HS6ST3: variants seen among roughly 807,000 people sequenced by gnomAD.
The protein encoded by HS6ST3 is heparan-sulfate 6-O-sulfotransferase 3.
HS6ST3 carries 12 observed loss-of-function variants against 36.7 expected under a neutral mutation model. The observed-to-expected ratio is 0.33, with a 90% CI of 0.21 to 0.53. The LOEUF (loss-of-function observed/expected upper bound fraction) is 0.53, where lower values mean the gene tolerates loss of function less well. Ranked by LOEUF, HS6ST3 falls within the 20% of genes least tolerant of loss-of-function variation. The pLI, the probability that HS6ST3 is intolerant of heterozygous loss-of-function variation, is 0.95. For synonymous variants in HS6ST3, 240 were observed against 257.5 expected (o/e 0.93, Z 0.65); for missense variants, 584 against 640.9 (o/e 0.91, Z 0.96).
At chr13:96,452,682 G>T (rs2055734011) in intron 1 of HS6ST3, among the ~76,000 whole-genome samples, 1 of 151,914 alleles carries the variant, frequency 6.6e-6, no homozygotes, top group South Asian at 2.1e-4. Flanking sequence ...GCTGCTCCCA[G>T]GTCTTGGAGA....
intron 1 of HS6ST3, among the ~76,000 whole-genome samples, chr13:96,382,689 A>G (rs1300798256): frequency 1.3e-5 from 2 of 152,220 alleles, no homozygotes; most frequent in African/African-American, 4.8e-5. Context: ...CTAGAAAAGT[A>G]TGAATATAAT....
In HS6ST3 at chr13:96,759,549, A is replaced by C. The variant is rs572729824; in HGVS notation, c.708-72941A>C. 3.3e-5 allele frequency among the ~76,000 whole-genome samples: 5 copies of C among 152,020 alleles called. No individual in the cohort carries two copies. The East Asian group carries it at 7.7e-4, about 23-fold the overall frequency. ...TCACTACTTCATATAAAACATGAGA[A>C]TGTACCACAACACAATTCATACCCC... is the stretch of plus-strand genomic sequence containing the variant. On this transcript the variant is annotated intron_variant, in intron 1 of 1. Transcript: ENST00000376705.
chr13:96,809,414 T>G (rs976221374), intron 1 of HS6ST3, among the ~76,000 whole-genome samples: 4 of 152,172 alleles, frequency 2.6e-5, no homozygotes, highest in Non-Finnish European at 5.9e-5. Flanking sequence ...CCTGTCTTGT[T>G]TTTTGCTTTT....
chr13:96,364,388 T>C (rs2055253406), intron 1 of HS6ST3, among the ~76,000 whole-genome samples: 4 of 152,200 alleles, frequency 2.6e-5, no homozygotes, highest in Admixed American at 2.6e-4. Flanking sequence ...AAGTATGGCA[T>C]AGCATATATC....
At chr13:96,255,971 T>C (rs1174936031) in intron 1 of HS6ST3, among the ~76,000 whole-genome samples, 1 of 152,240 alleles carries the variant, frequency 6.6e-6, no homozygotes, top group Non-Finnish European at 1.5e-5. Flanking sequence ...AACCAACTCA[T>C]GTCCCATGAG....
At chr13:96,221,441 G>A (rs939796763) in intron 1 of HS6ST3, among the ~76,000 whole-genome samples, 1 of 152,146 alleles carries the variant, frequency 6.6e-6, no homozygotes, top group African/African-American at 2.4e-5. Context: ...TAGTGTTCAG[G>A]CCTTGAGAAC....
chr13:96,410,805 G>A (rs986055608), intron 1 of HS6ST3, among the ~76,000 whole-genome samples: 59 of 152,190 alleles, frequency 3.9e-4, no homozygotes, highest in African/African-American at 1.4e-3. Flanking sequence ...AAGACTGGAA[G>A]CAAATACATC....
intron 1 of HS6ST3, among the ~76,000 whole-genome samples, chr13:96,635,261 T>TC (rs1368967976): frequency 6.6e-6 from 1 of 151,238 alleles, no homozygotes; most frequent in Non-Finnish European, 1.5e-5. Flanking sequence ...GATGTAAGTT[T>TC]TTTTTTTCCC....
chr13:96,334,301 A>G (rs762911675), intron 1 of HS6ST3, among the ~76,000 whole-genome samples: 2 of 152,122 alleles, frequency 1.3e-5, no homozygotes, highest in South Asian at 2.1e-4. Context: ...TTCTTACACA[A>G]TGTGGTGTGT....
At chr13:96,676,693 C>G (rs181579900) in intron 1 of HS6ST3, among the ~76,000 whole-genome samples, 1 of 152,066 alleles carries the variant, frequency 6.6e-6, no homozygotes, top group Non-Finnish European at 1.5e-5. Flanking sequence ...AGGTCTAAGT[C>G]ATAATTTTCT....
At chr13:96,108,999 C>CT (rs2053855870) in intron 1 of HS6ST3, among the ~76,000 whole-genome samples, 1 of 150,832 alleles carries the variant, frequency 6.6e-6, no homozygotes, top group African/African-American at 2.4e-5. Context: ...CTATCTCTAT[C>CT]CCTCTATCAT....
At position 96,689,606 on chromosome 13, in the gene HS6ST3, C is replaced by CTTTTTTTTTTTTT. The variant is rs34000071; in HGVS notation, c.708-142880_708-142868dup. Among the ~76,000 whole-genome samples the CTTTTTTTTTTTTT allele has an allele frequency of 1.7e-3, 172 of 100,916 alleles. 1 individual carries two copies. Among genetic ancestry groups the CTTTTTTTTTTTTT allele is most frequent in the Non-Finnish European group, 2.0e-3 (108 of 53,318 alleles). The allele number at this position is 100,916 out of a possible 152,430, so 66.2% of individuals were successfully genotyped here. On this transcript the variant is annotated intron_variant, in intron 1 of 1. Transcript: ENST00000376705. The stretch of plus-strand genomic sequence containing the variant: ...TTTGTAGTTTTTGCTTTCTTTCTTT[C>CTTTTTTTTTTTTT]TTTTTTTTTTTTTTTTGGTGATTGT...
At chr13:96,209,710 T>C (rs2054389199) in intron 1 of HS6ST3, among the ~76,000 whole-genome samples, 1 of 152,152 alleles carries the variant, frequency 6.6e-6, no homozygotes, top group Admixed American at 6.6e-5. Flanking sequence ...ATTTCAACCT[T>C]AGTCCAGCCT....
intron 1 of HS6ST3, among the ~76,000 whole-genome samples, chr13:96,259,421 A>G (rs890093849): frequency 2.0e-5 from 3 of 152,208 alleles, no homozygotes; most frequent in Non-Finnish European, 4.4e-5. Flanking sequence ...GGAAGCACAA[A>G]GTGGCTCTGG....
At chr13:96,715,742 A>G (rs905207522) in intron 1 of HS6ST3, among the ~76,000 whole-genome samples, 1 of 152,088 alleles carries the variant, frequency 6.6e-6, no homozygotes, top group Non-Finnish European at 1.5e-5. Flanking sequence ...ACCACTTTCT[A>G]CCTTCCCTCA....
chr13:96,639,513 T>G (rs747214943), intron 1 of HS6ST3, among the ~76,000 whole-genome samples: 1 of 151,874 alleles, frequency 6.6e-6, no homozygotes, highest in Admixed American at 6.6e-5. Context: ...CTATTAAACT[T>G]TTAAATCTAA....
At chr13:96,386,200 C>G (rs1184816538) in intron 1 of HS6ST3, among the ~76,000 whole-genome samples, 1 of 152,178 alleles carries the variant, frequency 6.6e-6, no homozygotes, top group East Asian at 1.9e-4. Flanking sequence ...GATTGATTTG[C>G]GTAAATAAAT....
At chr13:96,103,199 A>G (rs1017002407) in intron 1 of HS6ST3, among the ~76,000 whole-genome samples, 3 of 152,166 alleles carry the variant, frequency 2.0e-5, no homozygotes, top group Non-Finnish European at 2.9e-5. Context: ...TTTAAAACCT[A>G]AAGAGAGATG....
At chr13:96,436,497 C>A (rs1349903272) in intron 1 of HS6ST3, among the ~76,000 whole-genome samples, 2 of 152,144 alleles carry the variant, frequency 1.3e-5, no homozygotes, top group Non-Finnish European at 2.9e-5. Flanking sequence ...TTCCTTCTCC[C>A]AACCTCATAT....
Sources: allele counts gnomAD v4.1 joint callset (sites outside exome capture counted in the v4.1 genomes callset), GRCh38; gene constraint gnomAD v4.1.1; transcripts MANE v1.5; gene names NCBI Gene and HGNC (gene_info 2026-07-23, HGNC 2026-07-21).